The following PIK3R1 variants were observed in gnomAD, a reference collection of about 807,000 sequenced individuals.
The protein encoded by PIK3R1 is phosphoinositide-3-kinase regulatory subunit 1, also known as phosphatidylinositol 3-kinase regulatory subunit alpha.
In PIK3R1, 29 loss-of-function variants were observed where a neutral mutation model predicts 98.0. That is an observed-to-expected ratio of 0.30 (90% CI 0.22 to 0.40). The LOEUF is 0.40. Among genes scored for constraint, PIK3R1 ranks in the 10% least tolerant of loss-of-function variants. The pLI, the probability that PIK3R1 is intolerant of heterozygous loss-of-function variation, is 1.00. For missense variants in PIK3R1, 596 were observed against 872.7 expected, an observed-to-expected ratio of 0.68 and a Z score of 3.99; for synonymous variants, 282 against 311.8, an observed-to-expected ratio of 0.90 and a Z score of 1.01.
chr5:68,277,368 A>T (rs529463777), intron 4 of PIK3R1, among the ~76,000 whole-genome samples: 33 of 152,320 alleles, frequency 2.2e-4, no homozygotes, highest in Non-Finnish European at 4.3e-4. Flanking sequence ...CACTTGTTAA[A>T]CATGTGATAT....
At chr5:68,256,172 C>T (rs1019671145) in intron 2 of PIK3R1, among the ~76,000 whole-genome samples, 1 of 152,096 alleles carries the variant, frequency 6.6e-6, no homozygotes, top group Admixed American at 6.5e-5. Flanking sequence ...CTGACCACCC[C>T]ACTCTGTTTT....
rs763223884 is a variant in PIK3R1, at chr5:68,293,095, T to C, written c.1020-6T>C. Reference sequence around the variant, plus strand: ...AGATGAGCATTGTTTTGTGTTTTCATTTCAGGGAAGAAGTGAATGAAAAAC... The same window carrying C: ...AGATGAGCATTGTTTTGTGTTTTCACTTCAGGGAAGAAGTGAATGAAAAAC... On this transcript the variant is annotated splice_polypyrimidine_tract_variant and splice_region_variant and intron_variant, in intron 8 of 15. Transcript: ENST00000521381. 1 of 1,606,770 alleles carries C rather than the reference T, an allele frequency of 6.2e-7. No individual in the cohort carries two copies. The highest frequency in any genetic ancestry group is 8.5e-7 in the Non-Finnish European group (1 of 1,173,516).
At position 68,223,010 on chromosome 5, in the gene PIK3R1, A is replaced by T. The variant is rs1174182586; in HGVS notation, c.-386-3280A>T. On this transcript the variant is annotated intron_variant, in intron 1 of 15. Coordinates refer to ENST00000521381, the MANE Select transcript of PIK3R1 (RefSeq NM_181523.3). The stretch of plus-strand genomic sequence containing the variant: ...TATATAGTTATCTACACACACACAC[A>T]CATACATATATGACTATATATATGA... 2.0e-5 allele frequency among the ~76,000 whole-genome samples: 3 copies of T among 151,438 alleles called. No homozygotes were observed. In the East Asian group the frequency reaches 5.8e-4, roughly 29 times the overall value.
chr5:68,297,617 A>AG lies in PIK3R1; in HGVS notation c.*16_*17insG, dbSNP rs762308734. 7 of 1,609,970 alleles carry AG rather than the reference A, an allele frequency of 4.3e-6. No individual in the cohort carries two copies. On this transcript the variant is annotated 3_prime_UTR_variant, in exon 16 of 16. Transcript: ENST00000521381. The stretch of plus-strand genomic sequence containing the variant: ...GAGGCGATGAAGCGCTTACTCTTTG[A>AG]TCCTTCTCCTGAAGTTCAGCCACCC...
intron 7 of PIK3R1, among the ~76,000 whole-genome samples, chr5:68,284,149 G>C (rs924761818): frequency 3.3e-5 from 5 of 152,166 alleles, no homozygotes; most frequent in Non-Finnish European, 7.3e-5. Flanking sequence ...CCTGGGGTTG[G>C]TATGAGATTT....
chr5:68,265,634 G>A (rs978945432), intron 2 of PIK3R1, among the ~76,000 whole-genome samples: 12 of 152,020 alleles, frequency 7.9e-5, no homozygotes, highest in African/African-American at 2.9e-4. Flanking sequence ...GCCTCCCAAA[G>A]GCCCATCTCC....
Position 68,295,239 on chromosome 5 carries a change from G to T in PIK3R1, c.1660G>T (p.Ala554Ser). 6.2e-7 allele frequency: 1 copy of T among 1,614,094 alleles called. No homozygotes were observed. The highest frequency in any genetic ancestry group is 8.5e-7 in the Non-Finnish European group (1 of 1,179,936). ...GGAAGAAGACTTGAAGAAGCAGGCA[G>T]CTGAGTATCGAGAAATTGACAAACG... ...RLEEDLKKQA[A>S]EYREIDKRMN... The change falls in exon 13 of 16, where the codon GCT becomes TCT. Residue 554 changes from alanine to serine, a missense_variant. Physicochemically the swap from Ala to Ser is moderately conservative, Grantham distance 99. Around this residue, in one of 3 missense-constraint regions of PIK3R1, gnomAD observed 207 missense variants for 361.4 expected, o/e 0.57. Coordinates refer to ENST00000521381, the MANE Select transcript of PIK3R1 (RefSeq NM_181523.3).
At chr5:68,296,070 G>A in intron 14 of PIK3R1, 101 bp from the exon 15 acceptor site, 5 of 1,153,720 alleles carry the variant, frequency 4.3e-6, no homozygotes, top group South Asian at 1.5e-5. Context: ...GCTTGGTAGG[G>A]GCCAGGAGGG....
chr5:68,218,167 CAG>C (rs1488880043), intron 1 of PIK3R1, among the ~76,000 whole-genome samples: 2 of 152,188 alleles, frequency 1.3e-5, no homozygotes, highest in East Asian at 3.9e-4. Context: ...TTCTGGGAAA[CAG>C]AAGTGGAACA....
intron 15 of PIK3R1, 64 bp downstream of exon 15, chr5:68,296,405 C>A: frequency 6.9e-7 from 1 of 1,455,452 alleles, no homozygotes; most frequent in Non-Finnish European, 9.4e-7. Context: ...TTTATTCATT[C>A]ATTGAGTTTT....
chr5:68,257,761 C>A (rs1483804236), intron 2 of PIK3R1, among the ~76,000 whole-genome samples: 1 of 152,186 alleles, frequency 6.6e-6, no homozygotes, highest in African/African-American at 2.4e-5. Context: ...CTGTAGATAG[C>A]CTCTGTTCCC....
In PIK3R1 at chr5:68,226,493, A is replaced by T. The variant is rs1744279462; in HGVS notation, c.-183A>T. Reference sequence around the variant, plus strand: ...TTCGGTCACACCATTGATGGAGGACAGATGGACAGCCGTATGGCCAGTCAC... The same window carrying T: ...TTCGGTCACACCATTGATGGAGGACTGATGGACAGCCGTATGGCCAGTCAC... On this transcript the variant is annotated 5_prime_UTR_variant, in exon 2 of 16. The change creates a premature stop within an existing upstream ORF in the 5' untranslated region. Coordinates refer to ENST00000521381, the MANE Select transcript of PIK3R1 (RefSeq NM_181523.3). 2 of 570,952 alleles carry T rather than the reference A, an allele frequency of 3.5e-6. No individual in the cohort carries two copies. Among genetic ancestry groups the T allele is most frequent in the South Asian group, 5.0e-5 (2 of 40,266 alleles). 35.4% of individuals were successfully genotyped at this position (570,952 alleles called of 1,614,324 possible). A position where few individuals can be genotyped will look rare whatever the true frequency, so the allele number is the denominator to read the frequency against.
chr5:68,293,081 G>A lies in PIK3R1; in HGVS notation c.1020-20G>A, dbSNP rs1189794703. ...GTCACTAAACCTTAAGATGAGCATT[G>A]TTTTGTGTTTTCATTTCAGGGAAGA... On this transcript the variant is annotated intron_variant, in intron 8 of 15. Transcript: ENST00000521381. 6.3e-7 allele frequency: 1 copy of A among 1,581,492 alleles called. No individual in the cohort carries two copies. The highest frequency in any genetic ancestry group is 1.3e-5 in the African/African-American group (1 of 74,252).
chr5:68,282,069 G>A (rs1027934293), intron 7 of PIK3R1, among the ~76,000 whole-genome samples: 31 of 152,136 alleles, frequency 2.0e-4, no homozygotes, highest in Middle Eastern at 3.2e-3. Flanking sequence ...TGTACCAAAG[G>A]TGAGAGAGAG....
chr5:68,243,461 T>TA (rs1257701598), intron 2 of PIK3R1, among the ~76,000 whole-genome samples: 1 of 152,202 alleles, frequency 6.6e-6, no homozygotes, highest in Non-Finnish European at 1.5e-5. Flanking sequence ...ATGGAGGTCA[T>TA]AACCTAGAAA....
chr5:68,235,335 A>G (rs1176251895), intron 2 of PIK3R1, among the ~76,000 whole-genome samples: 4 of 152,014 alleles, frequency 2.6e-5, no homozygotes, highest in South Asian at 2.1e-4. Flanking sequence ...ACTGGGAGGC[A>G]GAGGTTGCAG....
intron 14 of PIK3R1, 56 bp from the exon 15 acceptor site, chr5:68,296,115 G>T: frequency 6.4e-7 from 1 of 1,562,894 alleles, no homozygotes; most frequent in South Asian, 1.1e-5. Flanking sequence ...AGACAGCAAG[G>T]CAGGCTGATG....
chr5:68,247,657 T>G (rs935753135), intron 2 of PIK3R1, among the ~76,000 whole-genome samples: 1 of 151,350 alleles, frequency 6.6e-6, no homozygotes, highest in Non-Finnish European at 1.5e-5. Flanking sequence ...TGGCTCACTG[T>G]AGCCTTGACA....
chr5:68,248,121 C>T (rs536120782), intron 2 of PIK3R1, among the ~76,000 whole-genome samples: 5 of 151,982 alleles, frequency 3.3e-5, no homozygotes, highest in South Asian at 2.1e-4. Context: ...CTGGGACCAC[C>T]GGCACATGCC....
Sources: allele counts gnomAD v4.1 joint callset (sites outside exome capture counted in the v4.1 genomes callset), GRCh38; gene constraint gnomAD v4.1.1; regional missense constraint gnomAD v4.1.1; transcripts MANE v1.5; gene names NCBI Gene and HGNC (gene_info 2026-07-23, HGNC 2026-07-21).